EPDR1: variants seen among roughly 807,000 people sequenced by gnomAD.
EPDR1 encodes ependymin related 1, also known as mammalian ependymin-related protein 1.
A neutral mutation model predicts 23.7 loss-of-function variants in EPDR1; 27 were observed. That is an observed-to-expected ratio of 1.14 (90% CI 0.84 to 1.57). EPDR1 has a LOEUF of 1.57. Ranked by LOEUF, EPDR1 falls within the 40% of genes most tolerant of loss-of-function variation. The pLI, the probability that EPDR1 is intolerant of heterozygous loss-of-function variation, is 0.00. For synonymous variants in EPDR1, 137 were observed against 118.2 expected (o/e 1.16, Z -1.03); for missense variants, 349 against 290.4 (o/e 1.20, Z -1.47).
chr7:37,946,429 T>A (rs1323244337), intron 1 of EPDR1, among the ~76,000 whole-genome samples: 2 of 152,368 alleles, frequency 1.3e-5, no homozygotes, highest in Middle Eastern at 3.4e-3. Context: ...CCATTCTGAC[T>A]GGCATGAGAT....
Position 37,950,569 on chromosome 7 carries a change from T to G in EPDR1, c.*173T>G, listed in dbSNP as rs1786383075. 1.5e-6 allele frequency: 1 copy of G among 662,888 alleles called. No individual in the cohort carries two copies. Among genetic ancestry groups the G allele is most frequent in the African/African-American group, 1.8e-5 (1 of 55,312 alleles). 41.1% of individuals were successfully genotyped at this position (662,888 alleles called of 1,614,324 possible). ...CTGATTTTGACTACTCAAGCTCTGT[T>G]TACAGAAGAAAATTGAATGGCGAGG... On this transcript the variant is annotated 3_prime_UTR_variant, in exon 3 of 3. Transcript: ENST00000199448.
In EPDR1 at chr7:37,921,572, C is replaced by T. The variant is rs950309149; in HGVS notation, c.269+364C>T. ...TCATGGAGCCCCCTGCAGTCTAGGG[C>T]GTGTCTTCTGCGCTATCTCATTTCT... On this transcript the variant is annotated intron_variant, in intron 1 of 2. Coordinates refer to ENST00000199448, the MANE Select transcript of EPDR1 (RefSeq NM_017549.5). 1.2e-5 allele frequency: 13 copies of T among 1,077,360 alleles called. No homozygotes were observed. In the South Asian group the frequency reaches 3.0e-4, roughly 25 times the overall value. 66.7% of individuals were successfully genotyped at this position (1,077,360 alleles called of 1,614,324 possible). A position where few individuals can be genotyped will look rare whatever the true frequency, so the allele number is the denominator to read the frequency against.
At chr7:37,940,397 A>G (rs2132014174) in intron 1 of EPDR1, among the ~76,000 whole-genome samples, 1 of 152,328 alleles carries the variant, frequency 6.6e-6, no homozygotes, top group East Asian at 1.9e-4. Flanking sequence ...ATATTTAAAT[A>G]ATAAAATCAG....
At chr7:37,946,780 AT>A (rs1267550297) in intron 1 of EPDR1, among the ~76,000 whole-genome samples, 2 of 152,116 alleles carry the variant, frequency 1.3e-5, no homozygotes, top group African/African-American at 4.8e-5. Context: ...TTGTGTTGTA[AT>A]TTTTAACACA....
intron 1 of EPDR1, among the ~76,000 whole-genome samples, chr7:37,930,493 C>A (rs1475293812): frequency 6.6e-6 from 1 of 152,240 alleles, no homozygotes; most frequent in Non-Finnish European, 1.5e-5. Context: ...GGTGCTGTAT[C>A]TTGGCATGGA....
chr7:37,937,436 A>G (rs756717657), intron 1 of EPDR1, among the ~76,000 whole-genome samples: 1 of 152,228 alleles, frequency 6.6e-6, no homozygotes, highest in African/African-American at 2.4e-5. Context: ...AAAACCAACA[A>G]ATGGCAGGGG....
chr7:37,928,482 A>AT (rs1284443487), intron 1 of EPDR1, among the ~76,000 whole-genome samples: 1 of 152,050 alleles, frequency 6.6e-6, no homozygotes, highest in African/African-American at 2.4e-5. Context: ...GCTAACTACA[A>AT]TTTTTGTACT....
At chr7:37,942,098 A>G (rs1786180825) in intron 1 of EPDR1, among the ~76,000 whole-genome samples, 1 of 152,212 alleles carries the variant, frequency 6.6e-6, no homozygotes, top group South Asian at 2.1e-4. Flanking sequence ...AAACAAATAA[A>G]TGATAGGCAC....
At position 37,951,232 on chromosome 7, in the gene EPDR1, C is replaced by G. The variant is rs1287884847; in HGVS notation, c.*836C>G. 6.6e-6 allele frequency: 1 copy of G among 152,140 alleles called. No homozygotes were observed. The highest frequency in any genetic ancestry group is 1.5e-5 in the Non-Finnish European group (1 of 68,026). 9.4% of individuals were successfully genotyped at this position (152,140 alleles called of 1,614,324 possible). The stretch of plus-strand genomic sequence containing the variant: ...AGTCAGGAGACTATTGTCTCCTAAA[C>G]CCAGGACTAGAGTTCCCTCGTACTG... On this transcript the variant is annotated 3_prime_UTR_variant, in exon 3 of 3. Transcript: ENST00000199448.
chr7:37,936,709 TAA>T (rs1239858060), intron 1 of EPDR1, among the ~76,000 whole-genome samples: 1 of 152,118 alleles, frequency 6.6e-6, no homozygotes, highest in African/African-American at 2.4e-5. Flanking sequence ...AAGTGTCATT[TAA>T]AACAGCAACA....
chr7:37,927,039 C>T (rs1326770477), intron 1 of EPDR1, among the ~76,000 whole-genome samples: 1 of 152,184 alleles, frequency 6.6e-6, no homozygotes, highest in Non-Finnish European at 1.5e-5. Context: ...CTTTCCGGCA[C>T]AGCAAGATAT....
chr7:37,921,478 G>C lies in EPDR1; in HGVS notation c.269+270G>C. ...TAAAGAAGGGACCCATCCAGGGCGG[G>C]ATCAAGCTGCAGAGTGCCCCATGCC... is the stretch of plus-strand genomic sequence containing the variant. On this transcript the variant is annotated intron_variant, in intron 1 of 2. Transcript: ENST00000199448. 3 of 1,363,416 alleles carry C rather than the reference G, an allele frequency of 2.2e-6. No individual in the cohort carries two copies. The South Asian group carries it at 5.5e-5, about 25-fold the overall frequency. The allele number at this position is 1,363,416 out of a possible 1,614,324, so 84.5% of individuals were successfully genotyped here. A position where few individuals can be genotyped will look rare whatever the true frequency, so the allele number is the denominator to read the frequency against.
At chr7:37,926,567 A>G (rs999537941) in intron 1 of EPDR1, 3 of 367,248 alleles carry the variant, frequency 8.2e-6, no homozygotes, top group Non-Finnish European at 1.1e-5. Flanking sequence ...AATAGTTCCT[A>G]AGTCTTCCTT....
At chr7:37,923,706 G>C (rs1266640272) in intron 1 of EPDR1, among the ~76,000 whole-genome samples, 2 of 151,872 alleles carry the variant, frequency 1.3e-5, no homozygotes, top group African/African-American at 4.8e-5. Flanking sequence ...TTAGACTTTA[G>C]AGTCAGACAA....
rs538017295 is a variant in EPDR1, at chr7:37,951,343, C to T, written c.*947C>T. The T allele has an allele frequency of 6.6e-6, 1 of 152,266 alleles. No homozygotes were observed. Among genetic ancestry groups the T allele is most frequent in the Non-Finnish European group, 1.5e-5 (1 of 68,064 alleles). 9.4% of individuals were successfully genotyped at this position (152,266 alleles called of 1,614,324 possible). A position where few individuals can be genotyped will look rare whatever the true frequency, so the allele number is the denominator to read the frequency against. On this transcript the variant is annotated 3_prime_UTR_variant, in exon 3 of 3. Coordinates refer to ENST00000199448, the MANE Select transcript of EPDR1 (RefSeq NM_017549.5). Reference sequence around the variant, plus strand: ...GCTTCATAACCTCTCTGTCTGACTTCTGCATCTCCTTCCAGGTCAGCTCAT... The same window carrying T: ...GCTTCATAACCTCTCTGTCTGACTTTTGCATCTCCTTCCAGGTCAGCTCAT...
Position 37,950,335 on chromosome 7 carries a change from C to G in EPDR1, c.614C>G (p.Thr205Ser). ...GGTATTAAAGACCCCTCGGTGTTTA[C>G]CCCTCCAAGCACGTGCCAGATGGCC... Reference protein sequence around the residue: ...QLGIKDPSVFTPPSTCQMAQL... With the variant: ...QLGIKDPSVFSPPSTCQMAQL... Residue 205 changes from threonine (T) to serine (S), a missense_variant, in exon 3 of 3, where the codon ACC (threonine) becomes AGC (serine). Coordinates refer to ENST00000199448, the MANE Select transcript of EPDR1 (RefSeq NM_017549.5). The G allele has an allele frequency of 6.2e-7, 1 of 1,613,864 alleles. No individual in the cohort carries two copies. The highest frequency in any genetic ancestry group is 8.5e-7 in the Non-Finnish European group (1 of 1,179,880).
chr7:37,945,944 C>T (rs1352517465), intron 1 of EPDR1, among the ~76,000 whole-genome samples: 1 of 152,184 alleles, frequency 6.6e-6, no homozygotes. Flanking sequence ...TCTCATCATT[C>T]AGCTCCCGCT....
chr7:37,934,891 G>A (rs2132008756), intron 1 of EPDR1, among the ~76,000 whole-genome samples: 1 of 152,216 alleles, frequency 6.6e-6, no homozygotes, highest in Admixed American at 6.5e-5. Flanking sequence ...GTTGCAGTAA[G>A]CAAAAATAAT....
chr7:37,949,120 A>G (rs1786342342), intron 2 of EPDR1, 72 bp downstream of exon 2: 1 of 1,469,368 alleles, frequency 6.8e-7, no homozygotes, highest in African/African-American at 1.4e-5. Context: ...TCCTTTAAGG[A>G]AGGTAGTTTT....
Sources: gnomAD v4.1 joint callset for allele counts (sites outside exome capture counted in the v4.1 genomes callset) on GRCh38, gnomAD v4.1.1 for gene constraint, MANE v1.5 for transcripts, NCBI Gene and HGNC (gene_info 2026-07-23, HGNC 2026-07-21) for gene names.